The following MYOM2 variants were observed in gnomAD, a reference collection of about 807,000 sequenced individuals.
MYOM2 encodes myomesin 2.
A neutral mutation model predicts 187.6 loss-of-function variants in MYOM2; 254 were observed. The observed-to-expected ratio is 1.35, with a 90% CI of 1.22 to 1.50. MYOM2 has a LOEUF of 1.50. Among genes scored for constraint, MYOM2 ranks in the 40% most tolerant of loss-of-function variants. The probability of loss-of-function intolerance (pLI) is 0.00; values close to 1 mark genes in which losing one functional copy is unlikely to be tolerated. For missense variants in MYOM2, 2,796 were observed against 1,924.0 expected (o/e 1.45, Z -8.48); for synonymous variants, 981 against 753.8 (o/e 1.30, Z -4.94).
At position 2,087,023 on chromosome 8, in the gene MYOM2, C is replaced by T. The variant is rs150106098; in HGVS notation, c.1644+1633C>T. Reference sequence around the variant, plus strand: ...CCATCACGTATATGTATGTAACCTACAGAATTTCACAAATGATAATCTCAC... The same window carrying T: ...CCATCACGTATATGTATGTAACCTATAGAATTTCACAAATGATAATCTCAC... On this transcript the variant is annotated intron_variant, in intron 14 of 36. Transcript: ENST00000262113. 2.2e-3 allele frequency among the ~76,000 whole-genome samples: 329 copies of T among 151,990 alleles called. 2 individuals carry two copies. Among genetic ancestry groups the T allele is most frequent in the African/African-American group, 7.5e-3 (309 of 41,430 alleles).
intron 28 of MYOM2, among the ~76,000 whole-genome samples, chr8:2,121,870 C>G (rs1053001364): frequency 2.0e-5 from 3 of 152,148 alleles, no homozygotes; most frequent in African/African-American, 7.2e-5. Context: ...ATCATCTTTC[C>G]TAGACATTCA....
intron 1 of MYOM2, among the ~76,000 whole-genome samples, chr8:2,047,657 C>T (rs1188660543): frequency 1.3e-5 from 2 of 152,176 alleles, no homozygotes; most frequent in Non-Finnish European, 2.9e-5. Flanking sequence ...TTTGGTGGTC[C>T]TGAGCATGAA....
At chr8:2,096,161 C>G (rs1208597076) in intron 17 of MYOM2, 86 bp from the exon 18 acceptor site, 1 of 1,364,828 alleles carries the variant, frequency 7.3e-7, no homozygotes, top group African/African-American at 1.4e-5. Flanking sequence ...GCTTCCTCCT[C>G]CCTCTGCCAC....
intron 6 of MYOM2, among the ~76,000 whole-genome samples, chr8:2,060,350 C>A (rs537772505): frequency 6.6e-6 from 1 of 152,218 alleles, no homozygotes; most frequent in South Asian, 2.1e-4. Context: ...ACAATTTTAT[C>A]TTCTCTATAG....
chr8:2,100,129 T>TTCCTTCCTTCCTTCCTTCCTTCCTTCC (rs1796648799), intron 19 of MYOM2, among the ~76,000 whole-genome samples: 3 of 45,528 alleles, frequency 6.6e-5, no homozygotes, highest in African/African-American at 2.4e-4. Context: ...TCCTTCCTTC[T>TTCCTTCCTTCCTTCCTTCCTTCCTTCC]TTCCTTCCTT....
At position 2,052,267 on chromosome 8, in the gene MYOM2, A is replaced by AAGC; in HGVS notation, c.218_220dup (p.Lys73_Arg74insGln). ...AGGAACCATCTGCAGGGTCTGTGCGAAGCGAGTGAGCACGCAGGAAGATGA... is the reference window on the plus strand; with the variant it reads ...AGGAACCATCTGCAGGGTCTGTGCGAAGCAGCGAGTGAGCACGCAGGAAGATGA... On this transcript the variant is annotated inframe_insertion, in exon 3 of 37. Transcript: ENST00000262113. 1 of 1,611,200 alleles carries AAGC rather than the reference A, an allele frequency of 6.2e-7. No homozygotes were observed. Among genetic ancestry groups the AAGC allele is most frequent in the Non-Finnish European group, 8.5e-7 (1 of 1,178,976 alleles).
intron 31 of MYOM2, among the ~76,000 whole-genome samples, chr8:2,128,885 A>G (rs141162060): frequency 3.9e-5 from 6 of 152,328 alleles, no homozygotes; most frequent in African/African-American, 7.2e-5. Context: ...AGACAGTTCT[A>G]TATCTTTTAC....
At chr8:2,096,688 G>C (rs1397531006) in intron 18 of MYOM2, among the ~76,000 whole-genome samples, 1 of 152,204 alleles carries the variant, frequency 6.6e-6, no homozygotes, top group Non-Finnish European at 1.5e-5. Context: ...CCTCTGGTGT[G>C]ACCAGCATCT....
chr8:2,078,701 A>G (rs183771731), intron 11 of MYOM2, 33 bp from the exon 12 acceptor site: 175 of 1,606,820 alleles, frequency 1.1e-4, no homozygotes, highest in Non-Finnish European at 1.4e-4. Flanking sequence ...CACATTTGCT[A>G]TTCTCTGTTG....
intron 32 of MYOM2, among the ~76,000 whole-genome samples, chr8:2,134,054 G>A (rs1797970890): frequency 6.6e-6 from 1 of 151,572 alleles, no homozygotes; most frequent in Non-Finnish European, 1.5e-5. Flanking sequence ...AGTGTATTGT[G>A]TACCCACCTT....
At chr8:2,143,290 G>T in intron 35 of MYOM2, 111 bp from the exon 36 acceptor site, 1 of 1,222,794 alleles carries the variant, frequency 8.2e-7, no homozygotes, top group South Asian at 1.2e-5. Flanking sequence ...TCTCTCCTGA[G>T]CATAAACTCC....
chr8:2,132,085 T>A (rs776880364), intron 32 of MYOM2, among the ~76,000 whole-genome samples: 7 of 152,218 alleles, frequency 4.6e-5, no homozygotes, highest in Non-Finnish European at 8.8e-5. Context: ...TGCGTTCTTA[T>A]TAGATAGCAA....
At chr8:2,065,292 C>T (rs1226236606) in intron 6 of MYOM2, among the ~76,000 whole-genome samples, 2 of 152,138 alleles carry the variant, frequency 1.3e-5, no homozygotes, top group Non-Finnish European at 2.9e-5. Flanking sequence ...CTTGGCAGGC[C>T]AGGCACGGTG....
chr8:2,065,585 C>G (rs76691993), intron 6 of MYOM2, among the ~76,000 whole-genome samples: 1,544 of 152,210 alleles, frequency 0.01, 9 homozygotes, highest in South Asian at 0.018. Flanking sequence ...AAAAGAGCCT[C>G]GGCAACTATT....
intron 31 of MYOM2, among the ~76,000 whole-genome samples, chr8:2,127,544 G>C (rs1056513606): frequency 1.3e-5 from 2 of 152,260 alleles, no homozygotes; most frequent in Non-Finnish European, 2.9e-5. Flanking sequence ...GACTAGCGGG[G>C]TTTAGGGAGG....
chr8:2,097,389 G>C (rs1306535826), intron 18 of MYOM2, among the ~76,000 whole-genome samples: 3 of 151,762 alleles, frequency 2.0e-5, no homozygotes, highest in Non-Finnish European at 1.5e-5. Flanking sequence ...GTACGTATGG[G>C]GTACAATGTG....
At chr8:2,133,766 G>C (rs1184459214) in intron 32 of MYOM2, among the ~76,000 whole-genome samples, 3 of 145,986 alleles carry the variant, frequency 2.1e-5, no homozygotes, top group Non-Finnish European at 4.4e-5. Flanking sequence ...TGGTCTGTCA[G>C]TCATTGATCT....
chr8:2,087,871 C>T (rs946744299), intron 14 of MYOM2, among the ~76,000 whole-genome samples: 3 of 152,124 alleles, frequency 2.0e-5, no homozygotes, highest in Admixed American at 6.5e-5. Flanking sequence ...CTTCCTGCCT[C>T]AGCCTCCCAA....
chr8:2,096,247 C>T lies in MYOM2; in HGVS notation c.2126C>T (p.Thr709Ile). ...ACTCCCTGGTTGTGCTTCCTTGCAGCCGTCCCGTCCCATCCTTATGGGATT... is the reference window on the plus strand; with the variant it reads ...ACTCCCTGGTTGTGCTTCCTTGCAGTCGTCCCGTCCCATCCTTATGGGATT... ...SDVIKVQAALTVPSHPYGITL... is the reference protein window; with the variant it reads ...SDVIKVQAALIVPSHPYGITL... The change falls in exon 18 of 37, where the codon ACC (threonine) becomes ATC (isoleucine). Residue 709 changes from threonine (T) to isoleucine (I), a missense_variant and splice_region_variant. By Grantham distance (89) the Thr-to-Ile change is moderately conservative. Transcript: ENST00000262113. 4.3e-6 allele frequency: 7 copies of T among 1,610,402 alleles called. No individual in the cohort carries two copies. The highest frequency in any genetic ancestry group is 5.1e-6 in the Non-Finnish European group (6 of 1,177,846).
Sources: gnomAD v4.1 joint callset for allele counts (sites outside exome capture counted in the v4.1 genomes callset) on GRCh38, gnomAD v4.1.1 for gene constraint, MANE v1.5 for transcripts, NCBI Gene and HGNC (gene_info 2026-07-23, HGNC 2026-07-21) for gene names.